Variants in SIPA1L1 observed in about 807,000 individuals in gnomAD.
The protein encoded by SIPA1L1 is signal-induced proliferation-associated 1-like protein 1.
Under a neutral mutation model 162.7 loss-of-function variants are expected in SIPA1L1, and 26 were observed. The observed-to-expected ratio is 0.16, with a 90% CI of 0.12 to 0.22. The LOEUF (loss-of-function observed/expected upper bound fraction) is 0.22, where lower values mean the gene tolerates loss of function less well. SIPA1L1 is among the 10% of genes least tolerant of loss of function. The pLI is 1.00. For missense variants in SIPA1L1, 1,874 were observed against 2,241.0 expected (o/e 0.84, Z 3.31); for synonymous variants, 829 against 837.4 (o/e 0.99, Z 0.17).
At chr14:71,322,952 A>G (rs2033274462) in intron 2 of SIPA1L1, among the ~76,000 whole-genome samples, 1 of 152,218 alleles carries the variant, frequency 6.6e-6, no homozygotes, top group Non-Finnish European at 1.5e-5. Context: ...GATAGTTGTG[A>G]TTTCATTGGA....
intron 2 of SIPA1L1, among the ~76,000 whole-genome samples, chr14:71,507,880 A>G (rs149800203): frequency 6.6e-4 from 100 of 152,332 alleles, no homozygotes; most frequent in African/African-American, 2.3e-3. Flanking sequence ...ATCATTCTGC[A>G]GCGGACTCAC....
chr14:71,480,450 T>A, intron 2 of SIPA1L1, among the ~76,000 whole-genome samples: 1 of 143,266 alleles, frequency 7.0e-6, no homozygotes, highest in Non-Finnish European at 1.5e-5. Flanking sequence ...TTTCTCTTAG[T>A]CTTAAAAAAA....
intron 6 of SIPA1L1, among the ~76,000 whole-genome samples, chr14:71,622,544 A>G (rs1263811595): frequency 2.0e-5 from 3 of 152,218 alleles, no homozygotes; most frequent in Admixed American, 1.3e-4. Flanking sequence ...ATTTCAAGCT[A>G]TGTATTATCT....
intron 10 of SIPA1L1, among the ~76,000 whole-genome samples, chr14:71,670,613 A>G (rs1025051657): frequency 1.3e-5 from 2 of 152,206 alleles, no homozygotes; most frequent in Non-Finnish European, 2.9e-5. Flanking sequence ...ATTGAAATTT[A>G]ATTCATTTCT....
intron 4 of SIPA1L1, among the ~76,000 whole-genome samples, chr14:71,548,460 G>T (rs918089939): frequency 6.6e-5 from 10 of 152,104 alleles, no homozygotes; most frequent in Non-Finnish European, 1.5e-4. Context: ...GATAAAATCA[G>T]TGTGCATGGA....
intron 4 of SIPA1L1, among the ~76,000 whole-genome samples, chr14:71,540,507 C>T (rs559176858): frequency 5.6e-4 from 85 of 151,836 alleles, no homozygotes; most frequent in African/African-American, 1.9e-3. Context: ...ATAGCAAGAC[C>T]GCATCTCTAC....
At chr14:71,437,671 A>C (rs908576236) in intron 2 of SIPA1L1, among the ~76,000 whole-genome samples, 6 of 152,174 alleles carry the variant, frequency 3.9e-5, no homozygotes, top group Non-Finnish European at 8.8e-5. Flanking sequence ...TTATTGTACA[A>C]GCATTTCATT....
At chr14:71,332,254 A>G (rs1323652755) in intron 2 of SIPA1L1, among the ~76,000 whole-genome samples, 2 of 152,174 alleles carry the variant, frequency 1.3e-5, no homozygotes, top group African/African-American at 2.4e-5. Context: ...ATTATATGCC[A>G]GGGACTGGTG....
chr14:71,439,337 A>C (rs1051265762), intron 2 of SIPA1L1, among the ~76,000 whole-genome samples: 2 of 152,102 alleles, frequency 1.3e-5, no homozygotes, highest in African/African-American at 4.8e-5. Flanking sequence ...CTTCACTGCC[A>C]CCACCCCTTG....
intron 2 of SIPA1L1, among the ~76,000 whole-genome samples, chr14:71,410,214 T>G (rs2042307354): frequency 6.6e-6 from 1 of 152,226 alleles, no homozygotes; most frequent in Admixed American, 6.5e-5. Context: ...AATCCGCTGG[T>G]GAGCCATTAA....
chr14:71,347,269 G>A (rs772189009), intron 2 of SIPA1L1, among the ~76,000 whole-genome samples: 2 of 152,002 alleles, frequency 1.3e-5, no homozygotes, highest in Non-Finnish European at 2.9e-5. Context: ...ACAAAATGTA[G>A]TATTTTGTGA....
At chr14:71,348,187 CAT>C (rs1284107640) in intron 2 of SIPA1L1, among the ~76,000 whole-genome samples, 2 of 152,164 alleles carry the variant, frequency 1.3e-5, no homozygotes, top group Non-Finnish European at 2.9e-5. Flanking sequence ...TGCATACACA[CAT>C]GTAACCACCA....
Position 71,553,100 on chromosome 14 carries a change from C to T in SIPA1L1, c.-303+23730C>T, listed in dbSNP as rs926164068. Among the ~76,000 whole-genome samples the T allele has an allele frequency of 9.2e-5, 14 of 152,256 alleles. 1 individual carries two copies. Among genetic ancestry groups the T allele is most frequent in the Middle Eastern group, 6.8e-3 (2 of 294 alleles). ...CCCTGTTGAAATCCACTCTTCTAAGCAATGAATACTTTTTCTTCTATTTCC... is the reference window on the plus strand; with the variant it reads ...CCCTGTTGAAATCCACTCTTCTAAGTAATGAATACTTTTTCTTCTATTTCC... On this transcript the variant is annotated intron_variant, in intron 4 of 23. Transcript: ENST00000381232.
intron 2 of SIPA1L1, among the ~76,000 whole-genome samples, chr14:71,466,746 T>C (rs917440862): frequency 2.0e-5 from 3 of 152,242 alleles, no homozygotes. Flanking sequence ...GGTTTGCCAC[T>C]ATTTCTGACT....
At chr14:71,651,008 G>A (rs888431881) in intron 8 of SIPA1L1, among the ~76,000 whole-genome samples, 1 of 152,044 alleles carries the variant, frequency 6.6e-6, no homozygotes, top group Non-Finnish European at 1.5e-5. Flanking sequence ...TAATCTCTGA[G>A]AAAATAGGCT....
At chr14:71,485,339 C>T (rs74352546) in intron 2 of SIPA1L1, among the ~76,000 whole-genome samples, 2,237 of 152,288 alleles carry the variant, frequency 0.015, 65 homozygotes, top group African/African-American at 0.051. Flanking sequence ...AACTGGGCTG[C>T]GTAGCAGGAG....
intron 13 of SIPA1L1, among the ~76,000 whole-genome samples, chr14:71,697,160 G>T (rs949496681): frequency 6.6e-6 from 1 of 152,146 alleles, no homozygotes; most frequent in Non-Finnish European, 1.5e-5. Flanking sequence ...GTGGGTTGGG[G>T]CTGCTGGAGG....
At chr14:71,495,028 A>C (rs995364033) in intron 2 of SIPA1L1, among the ~76,000 whole-genome samples, 1 of 152,236 alleles carries the variant, frequency 6.6e-6, no homozygotes, top group Non-Finnish European at 1.5e-5. Context: ...CACTGCACCC[A>C]GACAGAGGAT....
At position 71,486,857 on chromosome 14, in the gene SIPA1L1, T is replaced by C. The variant is rs112544357; in HGVS notation, c.-464-25886T>C. 1.3e-5 allele frequency among the ~76,000 whole-genome samples: 2 copies of C among 152,364 alleles called. 1 individual carries two copies. Among genetic ancestry groups the C allele is most frequent in the African/African-American group, 4.8e-5 (2 of 41,592 alleles). ...GTTTAAAAATAGAACAGGATTGATA[T>C]TACGTGCTACAAATTAATAAATTTT... On this transcript the variant is annotated intron_variant, in intron 2 of 23. Coordinates refer to ENST00000381232, the MANE Select transcript of SIPA1L1 (RefSeq NM_001386936.1).
Sources: allele counts gnomAD v4.1 joint callset (sites outside exome capture counted in the v4.1 genomes callset), GRCh38; gene constraint gnomAD v4.1.1; transcripts MANE v1.5; gene names NCBI Gene and HGNC (gene_info 2026-07-23, HGNC 2026-07-21).